Variants in PLS3 observed in about 807,000 individuals in gnomAD.
The protein encoded by PLS3 is plastin 3.
PLS3 carries 11 observed loss-of-function variants against 46.5 expected under a neutral mutation model. The observed-to-expected ratio is 0.24, with a 90% CI of 0.15 to 0.39. PLS3 has a LOEUF of 0.39. Among genes scored for constraint, PLS3 ranks in the 10% least tolerant of loss-of-function variants. The pLI is 1.00. For missense variants in PLS3, 308 were observed against 461.8 expected (o/e 0.67, Z 3.05); for synonymous variants, 167 against 162.2 (o/e 1.03, Z -0.22).
At chrX:115,605,549 G>A (rs1556635182) in intron 1 of PLS3, among the ~76,000 whole-genome samples, 2 of 110,890 alleles carry the variant, frequency 1.8e-5, no homozygotes, top group African/African-American at 6.6e-5. Flanking sequence ...TCTACCTCTC[G>A]GGCTCAATCG....
chrX:115,596,350 C>T (rs1420690224), intron 1 of PLS3, among the ~76,000 whole-genome samples: 1 of 111,888 alleles, frequency 8.9e-6, no homozygotes, highest in Non-Finnish European at 1.9e-5. Flanking sequence ...AACAAACATT[C>T]GGTAGGTGCT....
At position 115,596,244 on chromosome X, in the gene PLS3, A is replaced by T. The variant is rs781834720; in HGVS notation, c.-8-13999A>T. On this transcript the variant is annotated intron_variant, in intron 1 of 15. Transcript: ENST00000355899. ...TGTTCACAGCTTTCTCCAATAGAGT[A>T]TGTGTTTTTAAAACCACGTGAGAGG... Among the ~76,000 whole-genome samples the T allele has an allele frequency of 9.8e-5, 11 of 111,954 alleles. No individual in the cohort carries two copies. In the East Asian group the frequency reaches 2.8e-3, roughly 29 times the overall value.
chrX:115,606,853 A>T (rs185362421), intron 1 of PLS3, among the ~76,000 whole-genome samples: 1 of 111,177 alleles, frequency 9.0e-6, no homozygotes, highest in Non-Finnish European at 1.9e-5. Flanking sequence ...ATTTTTTTGG[A>T]GGCGAGGTCT....
intron 1 of PLS3, among the ~76,000 whole-genome samples, chrX:115,572,031 G>T (rs1556630776): frequency 8.9e-6 from 1 of 112,156 alleles, no homozygotes; most frequent in Non-Finnish European, 1.9e-5. Context: ...TTTATATTTT[G>T]TCCTGTGGTA....
chrX:115,593,083 G>A (rs898346974), intron 1 of PLS3, among the ~76,000 whole-genome samples: 20 of 111,779 alleles, frequency 1.8e-4, no homozygotes, highest in African/African-American at 6.2e-4. Flanking sequence ...TTAGCATATG[G>A]GGTGTAAATG....
chrX:115,646,388 T>C lies in PLS3; in HGVS notation c.1378-14T>C. The C allele has an allele frequency of 8.3e-7, 1 of 1,206,974 alleles. No individual in the cohort carries two copies. The highest frequency in any genetic ancestry group is 1.1e-6 in the Non-Finnish European group (1 of 891,683). ...AATGGAAGTCTTTAACCATTTACTC[T>C]TGTGCCTTTGCAGCTAGAAAACTGC... is the stretch of plus-strand genomic sequence containing the variant. On this transcript the variant is annotated splice_polypyrimidine_tract_variant and intron_variant, in intron 12 of 15. Coordinates refer to ENST00000355899, the MANE Select transcript of PLS3 (RefSeq NM_005032.7).
rs907013960 is a variant in PLS3 at position 115,648,835 on chromosome X, A to G, written c.1761-594A>G. Reference sequence around the variant, plus strand: ...ATTATCTTTAAAGATTCTGGTTCCAACACACCTAGAAATACTTCACGGATT... The same window carrying G: ...ATTATCTTTAAAGATTCTGGTTCCAGCACACCTAGAAATACTTCACGGATT... On this transcript the variant is annotated intron_variant, in intron 15 of 15. Coordinates refer to ENST00000355899, the MANE Select transcript of PLS3 (RefSeq NM_005032.7). Among the ~76,000 whole-genome samples the G allele has an allele frequency of 7.1e-5, 8 of 112,058 alleles. No homozygotes were observed. In the East Asian group the frequency reaches 2.2e-3, roughly 31 times the overall value.
At chrX:115,589,195 C>G (rs2074329369) in intron 1 of PLS3, among the ~76,000 whole-genome samples, 1 of 110,923 alleles carries the variant, frequency 9.0e-6, no homozygotes, top group South Asian at 3.9e-4. Context: ...TGCTCTCGAA[C>G]TCCCGGGCTA....
At chrX:115,636,739 A>C in intron 7 of PLS3, 97 bp from the exon 8 acceptor site, 2 of 728,223 alleles carry the variant, frequency 2.7e-6, no homozygotes, top group South Asian at 6.8e-5. Context: ...TAGTTTTTGC[A>C]CCTCTATTAC....
At chrX:115,638,786 C>T (rs1331289293) in intron 8 of PLS3, among the ~76,000 whole-genome samples, 5 of 108,917 alleles carry the variant, frequency 4.6e-5, no homozygotes, top group African/African-American at 1.7e-4. Context: ...CATCTCGGCT[C>T]ACTGCAAGCT....
intron 1 of PLS3, among the ~76,000 whole-genome samples, chrX:115,601,212 G>A (rs181931217): frequency 1.8e-4 from 20 of 109,834 alleles, no homozygotes; most frequent in African/African-American, 6.6e-4. Context: ...GGCCTGTTTG[G>A]GGAATAAGGT....
chrX:115,604,040 G>A (rs1309224687), intron 1 of PLS3, among the ~76,000 whole-genome samples: 2 of 111,998 alleles, frequency 1.8e-5, no homozygotes, highest in Non-Finnish European at 3.8e-5. Flanking sequence ...TTGTTTGTTT[G>A]TATATCTCCT....
At chrX:115,571,579 A>G (rs12010280) in intron 1 of PLS3, among the ~76,000 whole-genome samples, 16,797 of 110,163 alleles carry the variant, frequency 0.15, 2,946 homozygotes, top group African/African-American at 0.5. Context: ...AAAAGGAAAG[A>G]AACAAGAACT....
At chrX:115,605,666 G>A (rs1178531483) in intron 1 of PLS3, among the ~76,000 whole-genome samples, 1 of 110,755 alleles carries the variant, frequency 9.0e-6, no homozygotes. Context: ...GTTTCACCAT[G>A]TTGCCCAGGC....
At chrX:115,576,197 A>G (rs1266652543) in intron 1 of PLS3, among the ~76,000 whole-genome samples, 7 of 112,361 alleles carry the variant, frequency 6.2e-5, no homozygotes, top group African/African-American at 2.3e-4. Context: ...AGGTATTTTG[A>G]CAGTAAGTTT....
intron 1 of PLS3, among the ~76,000 whole-genome samples, chrX:115,562,092 A>T (rs1289841673): frequency 9.2e-6 from 1 of 109,192 alleles, no homozygotes; most frequent in Admixed American, 9.7e-5. Context: ...ACTCTTGGAG[A>T]GGGAGAGGCA....
intron 5 of PLS3, among the ~76,000 whole-genome samples, chrX:115,633,644 C>A (rs2074801033): frequency 9.1e-6 from 1 of 110,151 alleles, no homozygotes; most frequent in Non-Finnish European, 1.9e-5. Context: ...GCACATGCCA[C>A]CATGCCCGGC....
In PLS3 at chrX:115,643,361, A is replaced by G. The variant is rs1556641255; in HGVS notation, c.1036A>G (p.Lys346Glu). 8.3e-7 allele frequency: 1 copy of G among 1,200,335 alleles called. No individual in the cohort carries two copies. Among genetic ancestry groups the G allele is most frequent in the Non-Finnish European group, 1.1e-6 (1 of 885,533 alleles). Residue 346 changes from lysine (K) to glutamate (E), a missense_variant, in exon 10 of 16, where the codon AAA (lysine) becomes GAA (glutamate). Physicochemically the swap from Lys to Glu is moderately conservative, Grantham distance 56. Transcript: ENST00000355899. Reference sequence around the variant, plus strand: ...TGAGAGTATGCTTCAACAAGCAGATAAATTAGGTTGCAGACAGTTTGTTAC... The same window carrying G: ...TGAGAGTATGCTTCAACAAGCAGATGAATTAGGTTGCAGACAGTTTGTTAC... ...RAESMLQQADKLGCRQFVTPA... is the reference protein window; with the variant it reads ...RAESMLQQADELGCRQFVTPA...
chrX:115,644,599 A>AAAATAAAT (rs57763072), intron 10 of PLS3, among the ~76,000 whole-genome samples: 3,398 of 99,324 alleles, frequency 0.034, 85 homozygotes, highest in African/African-American at 0.067. Flanking sequence ...CTCCATCTCA[A>AAAATAAAT]AAATAAATAA....
Sources: allele counts gnomAD v4.1 joint callset (sites outside exome capture counted in the v4.1 genomes callset), GRCh38; gene constraint gnomAD v4.1.1; transcripts MANE v1.5; gene names NCBI Gene and HGNC (gene_info 2026-07-23, HGNC 2026-07-21).